The following SNX29 variants were observed in gnomAD, a reference collection of about 807,000 sequenced individuals.
The protein encoded by SNX29 is sorting nexin-29.
SNX29 carries 78 observed loss-of-function variants against 102.1 expected under a neutral mutation model. The ratio of observed to expected loss-of-function variants is 0.76; its 90% confidence interval spans 0.64 to 0.92. The LOEUF is 0.92. Among genes scored for constraint, SNX29 ranks in the 40% least tolerant of loss-of-function variants. The probability of loss-of-function intolerance (pLI) is 0.00; values close to 1 mark genes in which losing one functional copy is unlikely to be tolerated. For missense variants in SNX29, 1,280 were observed against 1,061.7 expected, an observed-to-expected ratio of 1.21 and a Z score of -2.86; for synonymous variants, 580 against 414.5, an observed-to-expected ratio of 1.40 and a Z score of -4.85.
chr16:12,239,701 T>TC (rs1201246352), intron 14 of SNX29, among the ~76,000 whole-genome samples: 4 of 143,920 alleles, frequency 2.8e-5, no homozygotes. Flanking sequence ...CACAATGTGG[T>TC]CCCAGCTACT....
rs188284002 is a variant in SNX29 at position 12,569,244 on chromosome 16, G to A, written c.*615G>A. ...GATATTCCTGTGGCTTTGGCAAGGA[G>A]CCATTAGTGATGTGCAACTTGAGTT... On this transcript the variant is annotated 3_prime_UTR_variant, in exon 21 of 21. Coordinates refer to ENST00000566228, the MANE Select transcript of SNX29 (RefSeq NM_032167.5). The A allele has an allele frequency of 2.2e-5, 5 of 225,936 alleles. No individual in the cohort carries two copies. Among genetic ancestry groups the A allele is most frequent in the Admixed American group, 1.1e-4 (2 of 17,484 alleles). 14.0% of individuals were successfully genotyped at this position (225,936 alleles called of 1,614,324 possible). A position where few individuals can be genotyped will look rare whatever the true frequency, so the allele number is the denominator to read the frequency against.
chr16:12,553,141 A>G (rs2078094428), intron 20 of SNX29, among the ~76,000 whole-genome samples: 1 of 152,194 alleles, frequency 6.6e-6, no homozygotes, highest in Non-Finnish European at 1.5e-5. Context: ...TCTGGCTCAC[A>G]GCTCTGGGGT....
chr16:12,047,242 G>C (rs112618491), intron 6 of SNX29, among the ~76,000 whole-genome samples: 3 of 152,148 alleles, frequency 2.0e-5, no homozygotes, highest in East Asian at 3.9e-4. Context: ...GATGTTAGTC[G>C]GTGGACTGTT....
intron 9 of SNX29, among the ~76,000 whole-genome samples, chr16:12,067,885 A>G (rs1469668641): frequency 6.6e-6 from 1 of 152,216 alleles, no homozygotes; most frequent in East Asian, 1.9e-4. Context: ...TTTTCCTGGA[A>G]GGAGACTTGA....
At chr16:12,161,926 C>G (rs537230375) in intron 13 of SNX29, among the ~76,000 whole-genome samples, 1 of 152,186 alleles carries the variant, frequency 6.6e-6, no homozygotes, top group Non-Finnish European at 1.5e-5. Context: ...TATAAATTAC[C>G]CAGCCTCAGG....
chr16:12,288,849 C>T (rs969566217), intron 15 of SNX29, among the ~76,000 whole-genome samples: 5 of 152,076 alleles, frequency 3.3e-5, no homozygotes, highest in Admixed American at 6.6e-5. Context: ...AGTCACCTGC[C>T]CGAGGTCATG....
At chr16:12,561,250 C>A (rs956668827) in intron 20 of SNX29, 4 of 230,116 alleles carry the variant, frequency 1.7e-5, no homozygotes, top group Non-Finnish European at 3.4e-5. Flanking sequence ...CCACTCCCTC[C>A]CACTCCACAG....
intron 10 of SNX29, 144 bp downstream of exon 10, chr16:12,069,276 T>C: frequency 1.4e-6 from 1 of 705,404 alleles, no homozygotes; most frequent in Non-Finnish European, 2.2e-6. Flanking sequence ...GATTTAGTCT[T>C]TTTTTTTGAG....
chr16:12,522,777 A>G (rs1035863905), intron 19 of SNX29, among the ~76,000 whole-genome samples: 2 of 152,182 alleles, frequency 1.3e-5, no homozygotes, highest in Non-Finnish European at 2.9e-5. Context: ...TCTTTTCTGT[A>G]TAAATTACCC....
intron 18 of SNX29, among the ~76,000 whole-genome samples, chr16:12,476,402 A>ACG (rs2087626285): frequency 4.1e-5 from 1 of 24,414 alleles, no homozygotes; most frequent in Non-Finnish European, 5.9e-5. Flanking sequence ...ATATATATAT[A>ACG]TATATATATA....
At chr16:12,142,741 T>C (rs2054910680) in intron 13 of SNX29, among the ~76,000 whole-genome samples, 2 of 151,896 alleles carry the variant, frequency 1.3e-5, no homozygotes, top group South Asian at 4.2e-4. Flanking sequence ...TTTTTTTGTA[T>C]TTTTAGTAGA....
At position 12,078,668 on chromosome 16, in the gene SNX29, A is replaced by G. The variant is rs550088799; in HGVS notation, c.1320-165A>G. Among the ~76,000 whole-genome samples, 4 of 152,348 alleles carry G rather than the reference A, an allele frequency of 2.6e-5. No individual in the cohort carries two copies. The South Asian group carries it at 8.3e-4, about 32-fold the overall frequency. The stretch of plus-strand genomic sequence containing the variant: ...AATTTTAGTGCGTAGATGAATTTCC[A>G]AATACGGAATCTGCAGATAACGAGG... On this transcript the variant is annotated intron_variant, in intron 10 of 20. Transcript: ENST00000566228.
intron 15 of SNX29, among the ~76,000 whole-genome samples, chr16:12,314,040 T>C (rs941849824): frequency 1.3e-5 from 2 of 152,264 alleles, no homozygotes; most frequent in Non-Finnish European, 2.9e-5. Flanking sequence ...GCCTGGAGCA[T>C]AGTCGTGCAC....
intron 19 of SNX29, among the ~76,000 whole-genome samples, chr16:12,509,391 C>G (rs116642243): frequency 0.013 from 2,001 of 152,236 alleles, 49 homozygotes; most frequent in African/African-American, 0.046. Context: ...GGGAGCGGAT[C>G]CCAGGGAAGA....
intron 14 of SNX29, among the ~76,000 whole-genome samples, chr16:12,218,241 A>G (rs1277583962): frequency 6.6e-6 from 1 of 152,266 alleles, no homozygotes; most frequent in African/African-American, 2.4e-5. Flanking sequence ...TAACAAGTCT[A>G]GCAGTGCAGA....
intron 14 of SNX29, among the ~76,000 whole-genome samples, chr16:12,244,795 A>T (rs538893516): frequency 3.3e-5 from 5 of 152,308 alleles, no homozygotes; most frequent in African/African-American, 1.2e-4. Flanking sequence ...CTTAAGAAGA[A>T]GATCCCTGGT....
chr16:12,242,753 C>T (rs1016075854), intron 14 of SNX29, among the ~76,000 whole-genome samples: 1 of 151,888 alleles, frequency 6.6e-6, no homozygotes, highest in Non-Finnish European at 1.5e-5. Flanking sequence ...TACCAGGCTC[C>T]AGCAATCCTC....
At chr16:12,061,063 C>T (rs902549934) in intron 8 of SNX29, among the ~76,000 whole-genome samples, 1 of 152,320 alleles carries the variant, frequency 6.6e-6, no homozygotes, top group East Asian at 1.9e-4. Context: ...CTTCCCCAAG[C>T]CTTTGTCCCT....
chr16:12,377,628 G>T (rs745682746), intron 16 of SNX29, among the ~76,000 whole-genome samples: 1 of 152,120 alleles, frequency 6.6e-6, no homozygotes, highest in East Asian at 1.9e-4. Flanking sequence ...GTGTGCGCCC[G>T]GTACGTAGTA....
Sources: allele counts gnomAD v4.1 joint callset (sites outside exome capture counted in the v4.1 genomes callset), GRCh38; gene constraint gnomAD v4.1.1; transcripts MANE v1.5; gene names NCBI Gene and HGNC (gene_info 2026-07-23, HGNC 2026-07-21).